MVP: variants seen among roughly 807,000 people sequenced by gnomAD.
MVP encodes lung resistance-related protein.
In MVP, 62 loss-of-function variants were observed where a neutral mutation model predicts 83.5. That is an observed-to-expected ratio of 0.74 (90% CI 0.61 to 0.92). MVP has a LOEUF of 0.92. MVP is among the 40% of genes least tolerant of loss of function. MVP has a pLI of 0.00. For missense variants in MVP, 1,000 were observed against 1,203.4 expected (o/e 0.83, Z 2.50); for synonymous variants, 505 against 504.1 (o/e 1.00, Z -0.02).
intron 5 of MVP, 49 bp downstream of exon 5, chr16:29,834,115 A>C (rs1567390752): frequency 1.3e-6 from 2 of 1,595,032 alleles, no homozygotes; most frequent in Non-Finnish European, 1.7e-6. Flanking sequence ...AGGGGTCCCC[A>C]CTGCAGGGGA....
Position 29,846,233 on chromosome 16 carries a change from A to T in MVP, c.2214A>T (p.Glu738Asp), listed in dbSNP as rs985197342. The stretch of plus-strand genomic sequence containing the variant: ...CGGAGGCAGCCCGGATTGAGGGAGA[A>T]GGGTCCGTGCTGCAGGCCAAGCTAA... ...SRAEAARIEGEGSVLQAKLKA... is the reference protein window; with the variant it reads ...SRAEAARIEGDGSVLQAKLKA... Residue 738 changes from glutamate (E) to aspartate (D), a missense_variant, in exon 13 of 15, where the codon GAA becomes GAT. Transcript: ENST00000357402. The T allele has an allele frequency of 3.2e-6, 5 of 1,585,968 alleles. No individual in the cohort carries two copies. The African/African-American group carries it at 6.7e-5, about 21-fold the overall frequency.
intron 7 of MVP, among the ~76,000 whole-genome samples, chr16:29,837,973 T>C (rs1180766942): frequency 1.3e-5 from 2 of 152,098 alleles, no homozygotes; most frequent in Admixed American, 6.6e-5. Flanking sequence ...CCAAACTCAT[T>C]CTGTAAAGGG....
In MVP at chr16:29,842,065, C is replaced by A; in HGVS notation, c.1587C>A (p.Ile529=). ...GPDFFTDVIT[I]ETADHARLQL... ...ACTTCTTCACAGACGTCATCACCAT[C>A]GAAACGGCGGATCATGCCAGGCTGC... The change falls in exon 10 of 15, where the codon ATC becomes ATA. Residue 529 remains isoleucine (I), a synonymous_variant. Transcript: ENST00000357402. The A allele has an allele frequency of 2.5e-6, 4 of 1,608,580 alleles. No homozygotes were observed. The highest frequency in any genetic ancestry group is 2.5e-6 in the Non-Finnish European group (3 of 1,179,790).
chr16:29,847,341 C>T lies in MVP; in HGVS notation c.2410C>T (p.Pro804Ser), dbSNP rs749268244. The T allele has an allele frequency of 8.8e-6, 14 of 1,594,962 alleles. No homozygotes were observed. Among genetic ancestry groups the T allele is most frequent in the Non-Finnish European group, 1.2e-5 (14 of 1,172,736 alleles). Residue 804 changes from proline to serine, a missense_variant, in exon 14 of 15, where the codon CCC becomes TCC. Coordinates refer to ENST00000357402, the MANE Select transcript of MVP (RefSeq NM_005115.5). Reference sequence around the variant, plus strand: ...CAAGCAGATGACAGAGGCCATAGGCCCCAGCACCATCAGGGACCTTGCTGT... The same window carrying T: ...CAAGCAGATGACAGAGGCCATAGGCTCCAGCACCATCAGGGACCTTGCTGT... The part of the protein sequence containing the change: ...KFKQMTEAIG[P>S]STIRDLAVAG...
At chr16:29,826,621 C>CAAAAA (rs35848068) in intron 1 of MVP, among the ~76,000 whole-genome samples, 54 of 87,958 alleles carry the variant, frequency 6.1e-4, no homozygotes, top group African/African-American at 2.6e-3. Flanking sequence ...GACCTTATCT[C>CAAAAA]AAAAAAAAAA....
rs778767867 is a variant in MVP, at chr16:29,844,580, C to T, written c.1722C>T (p.Ala574=). 3 of 1,611,922 alleles carry T rather than the reference C, an allele frequency of 1.9e-6. No individual in the cohort carries two copies. Among genetic ancestry groups the T allele is most frequent in the Non-Finnish European group, 2.5e-6 (3 of 1,178,792 alleles). Residue 574 remains alanine (A), a synonymous_variant, in exon 11 of 15, where the codon GCC becomes GCT. Transcript: ENST00000357402. ...ACTTTGTAGGTGATGCCTGCAAAGC[C>T]ATCGCATCCCGGGTGCGGGGGGCCG... ...VPDFVGDACK[A]IASRVRGAVA...
chr16:29,845,064 C>T (rs868724181), intron 11 of MVP, among the ~76,000 whole-genome samples, 185 bp downstream of exon 11: 2 of 151,914 alleles, frequency 1.3e-5, no homozygotes, highest in Non-Finnish European at 2.9e-5. Context: ...GGCTCATGCC[C>T]GTAATCCCAG....
At chr16:29,842,631 A>G in intron 10 of MVP, among the ~76,000 whole-genome samples, 1 of 152,184 alleles carries the variant, frequency 6.6e-6, no homozygotes. Flanking sequence ...AAAAAAAACA[A>G]ACCGGGTGGC....
chr16:29,820,954 C>T (rs1219167303), intron 1 of MVP: 1 of 152,366 alleles, frequency 6.6e-6, no homozygotes, highest in East Asian at 1.9e-4. Context: ...ATTCAGGCCC[C>T]TTAACTCTGA....
chr16:29,839,244 T>C (rs752984339), intron 7 of MVP, among the ~76,000 whole-genome samples: 5 of 152,184 alleles, frequency 3.3e-5, no homozygotes, highest in Non-Finnish European at 7.3e-5. Flanking sequence ...CATGATTCCA[T>C]TTATGTGAAA....
rs140469917 is a variant in MVP at position 29,832,801 on chromosome 16, A to T, written c.322-932A>T. 2.3e-3 allele frequency among the ~76,000 whole-genome samples: 345 copies of T among 150,800 alleles called. 2 individuals are homozygous for T. Among genetic ancestry groups the T allele is most frequent in the Non-Finnish European group, 4.1e-3 (276 of 67,746 alleles). ...TATGTTCAGCCGGGCACAGTGGCTC[A>T]CGCCTGTAATCCCAGCACTTTGGGA... On this transcript the variant is annotated intron_variant, in intron 3 of 14. Coordinates refer to ENST00000357402, the MANE Select transcript of MVP (RefSeq NM_005115.5).
chr16:29,820,578 C>G (rs1351276920), intron 1 of MVP, 68 bp downstream of exon 1: 1 of 152,404 alleles, frequency 6.6e-6, no homozygotes, highest in Non-Finnish European at 1.5e-5. Flanking sequence ...TTGAGGCTCT[C>G]TTTAGTCCTG....
chr16:29,845,220 G>A (rs369264356), intron 11 of MVP, among the ~76,000 whole-genome samples: 5 of 147,606 alleles, frequency 3.4e-5, no homozygotes, highest in African/African-American at 1.0e-4. Context: ...AAAAAAGCAC[G>A]TATCAGATGT....
intron 5 of MVP, 75 bp downstream of exon 5, chr16:29,834,141 A>T: frequency 1.3e-6 from 2 of 1,561,470 alleles, no homozygotes; most frequent in South Asian, 2.3e-5. Context: ...GGGAAGGTTG[A>T]GGAAAGCCTC....
In MVP at chr16:29,847,326, A is replaced by G; in HGVS notation, c.2395A>G (p.Thr799Ala). ...GGAGGTGAAGAAGTTCAAGCAGATG[A>G]CAGAGGCCATAGGCCCCAGCACCAT... Reference protein sequence around the residue: ...EVEVKKFKQMTEAIGPSTIRD... With the variant: ...EVEVKKFKQMAEAIGPSTIRD... The change falls in exon 14 of 15, where the codon ACA (threonine) becomes GCA (alanine). Residue 799 changes from threonine (T) to alanine (A), a missense_variant. Thr to Ala is a moderately conservative substitution (Grantham distance 58). Coordinates refer to ENST00000357402, the MANE Select transcript of MVP (RefSeq NM_005115.5). 1 of 1,608,986 alleles carries G rather than the reference A, an allele frequency of 6.2e-7. No individual in the cohort carries two copies.
rs1415076166 is a variant in MVP, at chr16:29,846,178, G to C, written c.2159G>C (p.Gly720Ala). 1 of 1,610,912 alleles carries C rather than the reference G, an allele frequency of 6.2e-7. No individual in the cohort carries two copies. The highest frequency in any genetic ancestry group is 8.5e-7 in the Non-Finnish European group (1 of 1,178,696). The part of the protein sequence containing the change: ...EALSMAVEST[G>A]TAKAEAESRA... ...CCCAGCATGGCCGTGGAGAGCACCG[G>C]GACTGCCAAGGCGGAGGCCGAGTCC... Residue 720 changes from glycine (G) to alanine (A), a missense_variant, in exon 13 of 15, where the codon GGG (glycine) becomes GCG (alanine). Transcript: ENST00000357402.
chr16:29,836,391 A>G (rs138446091), intron 6 of MVP, among the ~76,000 whole-genome samples: 3 of 152,014 alleles, frequency 2.0e-5, no homozygotes, highest in East Asian at 3.9e-4. Context: ...CCTGGCCAAC[A>G]TGGCGAAACC....
At chr16:29,822,190 G>A (rs1224789146) in intron 1 of MVP, among the ~76,000 whole-genome samples, 1 of 151,556 alleles carries the variant, frequency 6.6e-6, no homozygotes, top group Admixed American at 6.6e-5. Context: ...TCCTGGGGTC[G>A]CTTCTGATCT....
In MVP at chr16:29,841,954, G is replaced by A; in HGVS notation, c.1476G>A (p.Glu492=). 4 of 1,612,930 alleles carry A rather than the reference G, an allele frequency of 2.5e-6. No individual in the cohort carries two copies. The highest frequency in any genetic ancestry group is 1.3e-5 in the African/African-American group (1 of 75,060). Residue 492 remains glutamate (E), a synonymous_variant, in exon 10 of 15, where the codon GAG becomes GAA. Transcript: ENST00000357402. The surrounding 1 kb of genome is among the most constrained non-coding windows in gnomAD (Gnocchi z 4.7). ...CTGAGCTGGTGTCGCTGGGTCCTGA[G>A]GAGCAGTTCACAGTGTTGTCCCTCT... is the stretch of plus-strand genomic sequence containing the variant. The part of the protein sequence containing the change: ...FGPELVSLGP[E]EQFTVLSLSA...
Sources: allele counts gnomAD v4.1 joint callset (sites outside exome capture counted in the v4.1 genomes callset), GRCh38; gene constraint gnomAD v4.1.1; non-coding constraint Gnocchi (gnomAD v3.1); transcripts MANE v1.5; gene names NCBI Gene and HGNC (gene_info 2026-07-23, HGNC 2026-07-21).